The following MAD1L1 variants were observed in gnomAD, a reference collection of about 807,000 sequenced individuals.
MAD1L1 encodes the protein mitotic arrest deficient 1 like 1, also known as mitotic spindle assembly checkpoint protein MAD1.
In MAD1L1, 95 loss-of-function variants were observed where a neutral mutation model predicts 96.9. The ratio of observed to expected loss-of-function variants is 0.98; its 90% confidence interval spans 0.83 to 1.16. The LOEUF is 1.16. Among genes scored for constraint, MAD1L1 ranks in the 50% most tolerant of loss-of-function variants. MAD1L1 has a pLI of 0.00. For synonymous variants in MAD1L1, 473 were observed against 396.6 expected, an observed-to-expected ratio of 1.19 and a Z score of -2.29; for missense variants, 1,007 against 954.4, an observed-to-expected ratio of 1.06 and a Z score of -0.73.
intron 18 of MAD1L1, among the ~76,000 whole-genome samples, chr7:1,875,486 C>T (rs369041191): frequency 5.5e-4 from 84 of 152,296 alleles, no homozygotes; most frequent in African/African-American, 1.9e-3. Flanking sequence ...ACACCCTCCA[C>T]TGGCTGCTCA....
At chr7:2,081,144 C>G (rs1030101389) in intron 11 of MAD1L1, among the ~76,000 whole-genome samples, 3 of 150,710 alleles carry the variant, frequency 2.0e-5, no homozygotes. Context: ...GTGGGAATGG[C>G]AGAGCCAGCG....
intron 18 of MAD1L1, among the ~76,000 whole-genome samples, chr7:1,824,139 C>T (rs1300158076): frequency 6.6e-6 from 1 of 152,158 alleles, no homozygotes; most frequent in Non-Finnish European, 1.5e-5. Flanking sequence ...ACCTCCCGGC[C>T]ACCAGCACAC....
intron 14 of MAD1L1, among the ~76,000 whole-genome samples, chr7:1,988,339 G>A (rs545930085): frequency 2.6e-5 from 4 of 152,306 alleles, no homozygotes; most frequent in African/African-American, 9.6e-5. Context: ...CCCCGTTCAG[G>A]TGGCACACAG....
intron 6 of MAD1L1, among the ~76,000 whole-genome samples, chr7:2,218,711 A>G (rs1413143818): frequency 6.6e-6 from 1 of 152,074 alleles, no homozygotes; most frequent in African/African-American, 2.4e-5. Context: ...GCTCAAGACC[A>G]GCCTGGGTTA....
intron 18 of MAD1L1, among the ~76,000 whole-genome samples, chr7:1,851,884 G>A (rs901710908): frequency 5.9e-5 from 9 of 152,206 alleles, no homozygotes; most frequent in African/African-American, 1.9e-4. Context: ...CAGCTGGTTC[G>A]CCTGGCTGCT....
At chr7:2,053,714 C>T (rs1784280281) in intron 12 of MAD1L1, among the ~76,000 whole-genome samples, 1 of 152,148 alleles carries the variant, frequency 6.6e-6, no homozygotes. Context: ...CTGGGTGAAG[C>T]CAGGGAGCCT....
In MAD1L1 at chr7:1,939,088, C is replaced by T. The variant is rs531032364; in HGVS notation, c.1597-2191G>A. 7.0e-5 allele frequency among the ~76,000 whole-genome samples: 10 copies of T among 143,164 alleles called. No homozygotes were observed. In the South Asian group the frequency reaches 1.8e-3, roughly 26 times the overall value. The allele number at this position is 143,164 out of a possible 152,430, so 93.9% of individuals were successfully genotyped here. On this transcript the variant is annotated intron_variant, in intron 16 of 18. Coordinates refer to ENST00000265854, the MANE Select transcript of MAD1L1 (RefSeq NM_001013836.2). ...CGGGCCAGAGCCGGGACCAGAGGCG[C>T]GCACACACACACGGGCCAGGGCCAG...
chr7:2,052,487 G>C (rs1373690775), intron 12 of MAD1L1, among the ~76,000 whole-genome samples: 2 of 151,514 alleles, frequency 1.3e-5, no homozygotes, highest in Admixed American at 6.6e-5. Flanking sequence ...GGCACAGCAG[G>C]CAGGGAGGGG....
chr7:1,867,956 C>T (rs1389308394), intron 18 of MAD1L1, among the ~76,000 whole-genome samples: 4 of 152,238 alleles, frequency 2.6e-5, no homozygotes, highest in South Asian at 2.1e-4. Context: ...TAATACGGGG[C>T]GACAACCGTC....
intron 10 of MAD1L1, among the ~76,000 whole-genome samples, chr7:2,183,245 C>G (rs1341043179): frequency 1.3e-5 from 2 of 151,106 alleles, no homozygotes; most frequent in East Asian, 3.9e-4. Flanking sequence ...GTCAGTCTTA[C>G]AGTAGTAGTC....
At chr7:1,953,519 G>C (rs192865870) in intron 16 of MAD1L1, among the ~76,000 whole-genome samples, 18 of 152,324 alleles carry the variant, frequency 1.2e-4, no homozygotes, top group South Asian at 2.1e-4. Flanking sequence ...GCTGGAGCAC[G>C]GGCTTCAGAA....
At position 2,212,591 on chromosome 7, in the gene MAD1L1, G is replaced by A. The variant is rs140732560; in HGVS notation, c.986+621C>T. 1.1e-3 allele frequency among the ~76,000 whole-genome samples: 165 copies of A among 152,184 alleles called. 1 individual carries two copies. Among genetic ancestry groups the A allele is most frequent in the African/African-American group, 3.4e-3 (140 of 41,526 alleles). ...ACTACTCACGCTCGCTCACTCTCTC[G>A]CTCTCTCATTCCTGTTTTTGCATTG... On this transcript the variant is annotated intron_variant, in intron 10 of 18. Transcript: ENST00000265854.
chr7:2,056,652 C>T (rs1348345326), intron 12 of MAD1L1, among the ~76,000 whole-genome samples: 1 of 152,152 alleles, frequency 6.6e-6, no homozygotes, highest in Non-Finnish European at 1.5e-5. Flanking sequence ...CTCCCACGGG[C>T]TCCCACCCAG....
At chr7:1,840,207 A>C (rs10228189) in intron 18 of MAD1L1, among the ~76,000 whole-genome samples, 1 of 152,076 alleles carries the variant, frequency 6.6e-6, no homozygotes, top group Non-Finnish European at 1.5e-5. Flanking sequence ...TGCACGCTGG[A>C]TGCCCTGGAG....
At chr7:1,953,501 G>A (rs533866096) in intron 16 of MAD1L1, among the ~76,000 whole-genome samples, 2 of 152,324 alleles carry the variant, frequency 1.3e-5, no homozygotes, top group South Asian at 2.1e-4. Context: ...AGGCCACATC[G>A]AGGAACGGCT....
Position 1,957,179 on chromosome 7 carries a change from T to C in MAD1L1, c.1596+450A>G, listed in dbSNP as rs1024577315. ...ATCGTCAGAAACTGGTCATAAAAAA[T>C]AGATTTGATCTGCCTCTAACAGGTG... On this transcript the variant is annotated intron_variant, in intron 16 of 18. Coordinates refer to ENST00000265854, the MANE Select transcript of MAD1L1 (RefSeq NM_001013836.2). 2.0e-5 allele frequency among the ~76,000 whole-genome samples: 3 copies of C among 152,196 alleles called. No homozygotes were observed. In the South Asian group the frequency reaches 6.2e-4, roughly 32 times the overall value.
chr7:1,897,054 G>A, intron 18 of MAD1L1, among the ~76,000 whole-genome samples: 1 of 151,192 alleles, frequency 6.6e-6, no homozygotes. Flanking sequence ...ACTGTGATCT[G>A]AGAAGCAGGA....
intron 18 of MAD1L1, among the ~76,000 whole-genome samples, chr7:1,844,983 G>A (rs535469575): frequency 2.0e-5 from 3 of 152,352 alleles, no homozygotes; most frequent in Non-Finnish European, 4.4e-5. Context: ...ACAGGGGTGC[G>A]GGGAGGAGGG....
At chr7:1,888,144 CTGTGCATGTG>C (rs1304065387) in intron 18 of MAD1L1, among the ~76,000 whole-genome samples, 18 of 144,828 alleles carry the variant, frequency 1.2e-4, no homozygotes, top group African/African-American at 4.6e-4. Flanking sequence ...ATGTGGCTGC[CTGTGCATGTG>C]TGTGCATGTG....
Sources: allele counts gnomAD v4.1 joint callset (sites outside exome capture counted in the v4.1 genomes callset), GRCh38; gene constraint gnomAD v4.1.1; transcripts MANE v1.5; gene names NCBI Gene and HGNC (gene_info 2026-07-23, HGNC 2026-07-21).